AARS1: variants seen among roughly 807,000 people sequenced by gnomAD.
AARS1 encodes alanine--tRNA ligase, cytoplasmic.
In AARS1, 72 loss-of-function variants were observed where a neutral mutation model predicts 108.9. The ratio of observed to expected loss-of-function variants is 0.66; its 90% CI spans 0.55 to 0.80. The LOEUF (loss-of-function observed/expected upper bound fraction) is 0.80. Among genes scored for constraint, AARS1 ranks in the 30% least tolerant of loss-of-function variants. The pLI, the probability that AARS1 is intolerant of heterozygous loss-of-function variation, is 0.00. For missense variants in AARS1, 1,193 were observed against 1,233.2 expected (o/e 0.97, Z 0.49); for synonymous variants, 489 against 465.7 (o/e 1.05, Z -0.64).
intron 4 of AARS1, among the ~76,000 whole-genome samples, chr16:70,275,485 G>A (rs959797511): frequency 4.6e-4 from 66 of 144,664 alleles, no homozygotes; most frequent in Admixed American, 6.2e-4. Flanking sequence ...ACAATTGGCC[G>A]GGCATGGTTC....
intron 19 of AARS1, 63 bp downstream of exon 19, chr16:70,253,651 C>A (rs746185023): frequency 1.3e-6 from 2 of 1,563,182 alleles, no homozygotes; most frequent in Non-Finnish European, 8.8e-7. Context: ...GCCACAGAGG[C>A]CACATGTCAG....
intron 2 of AARS1, among the ~76,000 whole-genome samples, chr16:70,281,464 G>A (rs1014357978): frequency 2.0e-5 from 3 of 152,072 alleles, no homozygotes; most frequent in African/African-American, 2.4e-5. Context: ...TCAGGAGTTC[G>A]AGAACAACCT....
At chr16:70,286,600 G>A (rs1002768505) in intron 1 of AARS1, among the ~76,000 whole-genome samples, 4 of 152,086 alleles carry the variant, frequency 2.6e-5, no homozygotes, top group Non-Finnish European at 5.9e-5. Context: ...TACTTTGGGA[G>A]GTCGAGGCGG....
At position 70,267,641 on chromosome 16, in the gene AARS1, G is replaced by A. The variant is rs1960293608; in HGVS notation, c.1222+18C>T. On this transcript the variant is annotated intron_variant, in intron 9 of 20. Transcript: ENST00000261772. ...GATCAAACGGCCAGGATGGAGAAGGGCAAAAACTGGTACCTACCGGGAATG... is the reference window on the plus strand; with the variant it reads ...GATCAAACGGCCAGGATGGAGAAGGACAAAAACTGGTACCTACCGGGAATG... The A allele has an allele frequency of 6.2e-6, 10 of 1,614,096 alleles. No homozygotes were observed. Among genetic ancestry groups the A allele is most frequent in the Middle Eastern group, 3.3e-4 (2 of 6,062 alleles).
Position 70,252,604 on chromosome 16 carries a change from A to T in AARS1, c.*117T>A. ...ATAGGACTGCTCCCAAGTGTGTTCC[A>T]GTTACTGCTGGGTTAGGAGGGGCTC... On this transcript the variant is annotated 3_prime_UTR_variant, in exon 21 of 21. Coordinates refer to ENST00000261772, the MANE Select transcript of AARS1 (RefSeq NM_001605.3). 8.5e-7 allele frequency: 1 copy of T among 1,170,140 alleles called. No homozygotes were observed. Among genetic ancestry groups the T allele is most frequent in the Non-Finnish European group, 1.3e-6 (1 of 797,104 alleles). 72.5% of individuals were successfully genotyped at this position (1,170,140 alleles called of 1,614,324 possible).
intron 1 of AARS1, among the ~76,000 whole-genome samples, chr16:70,283,283 G>A (rs1347142265): frequency 1.3e-5 from 2 of 152,064 alleles, no homozygotes; most frequent in African/African-American, 4.8e-5. Context: ...TGTAATCCCA[G>A]CTACTTGCGA....
intron 6 of AARS1, 77 bp from the exon 7 acceptor site, chr16:70,269,840 G>A: frequency 6.4e-7 from 1 of 1,572,886 alleles, no homozygotes; most frequent in Non-Finnish European, 8.7e-7. Flanking sequence ...GGTTCCTGGA[G>A]GATTGAGGAG....
chr16:70,276,982 A>C lies in AARS1; in HGVS notation c.317T>G (p.Phe106Cys). 1 of 1,614,158 alleles carries C rather than the reference A, an allele frequency of 6.2e-7. No individual in the cohort carries two copies. The highest frequency in any genetic ancestry group is 8.5e-7 in the Non-Finnish European group (1 of 1,180,040). ...TFFEMLGSWSFGDYFKELACK... is the reference protein window; with the variant it reads ...TFFEMLGSWSCGDYFKELACK... ...TGAACTTACCTTAAAGTAATCTCCA[A>C]AAGACCAAGAGCCCAGCATCTCGAA... is the stretch of plus-strand genomic sequence containing the variant. Residue 106 changes from phenylalanine (F) to cysteine (C), a missense_variant, in exon 3 of 21, where the codon TTT becomes TGT. Phe to Cys is a radical substitution (Grantham distance 205). Coordinates refer to ENST00000261772, the MANE Select transcript of AARS1 (RefSeq NM_001605.3).
intron 2 of AARS1, among the ~76,000 whole-genome samples, chr16:70,280,118 T>C (rs1454172085): frequency 6.6e-6 from 1 of 152,188 alleles, no homozygotes; most frequent in Non-Finnish European, 1.5e-5. Flanking sequence ...GGTCTTCCTA[T>C]GTTGCCCAGG....
intron 13 of AARS1, among the ~76,000 whole-genome samples, chr16:70,260,066 C>T (rs967149353): frequency 2.0e-5 from 3 of 152,186 alleles, no homozygotes; most frequent in Non-Finnish European, 4.4e-5. Flanking sequence ...GCCACTGTGC[C>T]CAGCCATAAA....
rs190063580 is a variant in AARS1, at chr16:70,288,611, G to C, written c.-22+810C>G. Among the ~76,000 whole-genome samples the C allele has an allele frequency of 3.4e-3, 494 of 146,196 alleles. 10 individuals carry two copies. The highest frequency in any genetic ancestry group is 0.028 in the Admixed American group (407 of 14,490). On this transcript the variant is annotated intron_variant, in intron 1 of 20. Transcript: ENST00000261772. ...AAACGGAGTCTCCCTCTGTCACCCA[G>C]GCTGGAGTGCAATGGTGTGATCTCA...
chr16:70,256,446 G>A (rs1047262413), intron 15 of AARS1, among the ~76,000 whole-genome samples: 1 of 152,156 alleles, frequency 6.6e-6, no homozygotes, highest in African/African-American at 2.4e-5. Flanking sequence ...CTTGGATACA[G>A]GTGCCCGCCA....
chr16:70,284,264 C>G (rs1369894884), intron 1 of AARS1, among the ~76,000 whole-genome samples: 2 of 149,446 alleles, frequency 1.3e-5, no homozygotes, highest in African/African-American at 4.9e-5. Flanking sequence ...CGAGATCGCG[C>G]CACTGCACTC....
chr16:70,270,567 A>G (rs1444086973), intron 5 of AARS1, among the ~76,000 whole-genome samples: 1 of 152,116 alleles, frequency 6.6e-6, no homozygotes, highest in African/African-American at 2.4e-5. Context: ...GGCCAGGCGC[A>G]GTGGCTCATG....
At position 70,262,995 on chromosome 16, in the gene AARS1, A is replaced by AAAAAAC. The variant is rs1174659809; in HGVS notation, c.1493-472_1493-471insGTTTTT. On this transcript the variant is annotated intron_variant, in intron 11 of 20. Coordinates refer to ENST00000261772, the MANE Select transcript of AARS1 (RefSeq NM_001605.3). Reference sequence around the variant, plus strand: ...AAAAAAAAAAAAAAAAAAAAAAAAAAAAACAACAACAACAAAGGGCTTCGC... The same window carrying AAAAAAC: ...AAAAAAAAAAAAAAAAAAAAAAAAAAAAAAACAAACAACAACAACAAAGGGCTTCGC... 1.2e-4 allele frequency among the ~76,000 whole-genome samples: 16 copies of AAAAAAC among 128,674 alleles called. 1 individual carries two copies. The highest frequency in any genetic ancestry group is 2.2e-4 in the South Asian group (1 of 4,618). The allele number at this position is 128,674 out of a possible 152,430, so 84.4% of individuals were successfully genotyped here.
chr16:70,259,323 C>T (rs1290919007), intron 13 of AARS1, 137 bp from the exon 14 acceptor site: 4 of 919,232 alleles, frequency 4.4e-6, no homozygotes, highest in Non-Finnish European at 6.9e-6. Flanking sequence ...TCCCAGCTTC[C>T]CTATGGCTAA....
chr16:70,272,277 G>A (rs1960424437), intron 4 of AARS1, among the ~76,000 whole-genome samples: 1 of 151,994 alleles, frequency 6.6e-6, no homozygotes, highest in Non-Finnish European at 1.5e-5. Context: ...GGCCGAGGCG[G>A]GCGGATCACC....
chr16:70,254,496 A>C, intron 17 of AARS1, 125 bp downstream of exon 17: 1 of 738,234 alleles, frequency 1.4e-6, no homozygotes, highest in Non-Finnish European at 2.4e-6. Context: ...ACAGGACAAC[A>C]GAAGTCAGCC....
intron 2 of AARS1, among the ~76,000 whole-genome samples, chr16:70,280,708 C>G (rs1023486671): frequency 6.6e-6 from 1 of 152,180 alleles, no homozygotes; most frequent in African/African-American, 2.4e-5. Flanking sequence ...CTGGGAAGTA[C>G]TGTTTAGTGT....
Sources: gnomAD v4.1 joint callset for allele counts (sites outside exome capture counted in the v4.1 genomes callset) on GRCh38, gnomAD v4.1.1 for gene constraint, MANE v1.5 for transcripts, NCBI Gene and HGNC (gene_info 2026-07-23, HGNC 2026-07-21) for gene names.